KRTAP9-4: variants seen among roughly 807,000 people sequenced by gnomAD.
KRTAP9-4 encodes keratin associated protein 9-4.
Under a neutral mutation model 12.7 loss-of-function variants are expected in KRTAP9-4, and 8 were observed. The ratio of observed to expected loss-of-function variants is 0.63; its 90% CI spans 0.37 to 1.14. The LOEUF is 1.14. Among genes scored for constraint, KRTAP9-4 ranks in the 50% most tolerant of loss-of-function variants. The pLI, the probability that KRTAP9-4 is intolerant of heterozygous loss-of-function variation, is 0.01. For missense variants in KRTAP9-4, 188 were observed against 189.1 expected, an observed-to-expected ratio of 0.99 and a Z score of 0.03; for synonymous variants, 81 against 67.3, an observed-to-expected ratio of 1.20 and a Z score of -1.00.
chr17:41,249,887 G>A lies in KRTAP9-4; in HGVS notation c.167G>A (p.Cys56Tyr). ...SCCQPCCRPTCCQNTCCQPTC... is the reference protein window; with the variant it reads ...SCCQPCCRPTYCQNTCCQPTC... ...TGCCAGCCTTGCTGCCGCCCAACTT[G>A]CTGTCAAAACACCTGCTGCCAGCCC... The change falls in exon 1 of 1, where the codon TGC becomes TAC. Residue 56 changes from cysteine (C) to tyrosine (Y), a missense_variant. By Grantham distance (194) the Cys-to-Tyr change is radical (BLOSUM62 -2). Coordinates refer to ENST00000334109, the MANE Select transcript of KRTAP9-4 (RefSeq NM_033191.3). 1 of 1,543,204 alleles carries A rather than the reference G, an allele frequency of 6.5e-7. No homozygotes were observed. The highest frequency in any genetic ancestry group is 8.9e-7 in the Non-Finnish European group (1 of 1,123,790).
At position 41,249,987 on chromosome 17, in the gene KRTAP9-4, C is replaced by T. The variant is rs775841396; in HGVS notation, c.267C>T (p.Ser89=). Residue 89 remains serine, a synonymous_variant, in exon 1 of 1, where the codon AGC becomes AGT. Transcript: ENST00000334109. ...GCCAGCCCACCTGCTGTGGGTCCAG[C>T]TGTGACCAGAGCAGCTCCTGTGCAC... is the stretch of plus-strand genomic sequence containing the variant. The part of the protein sequence containing the change: ...PCCQPTCCGS[S]CDQSSSCAPV... 2.5e-6 allele frequency: 4 copies of T among 1,613,934 alleles called. No homozygotes were observed. In the African/African-American group the frequency reaches 5.3e-5, roughly 22 times the overall value.
In KRTAP9-4 at chr17:41,250,540, C is replaced by G; in HGVS notation, c.*355C>G. ...GCAATCATATTTTTGTTTTCAATAT[C>G]CTCCTCATGGTTCTTGTATCCTTCT... On this transcript the variant is annotated 3_prime_UTR_variant, in exon 1 of 1. Coordinates refer to ENST00000334109, the MANE Select transcript of KRTAP9-4 (RefSeq NM_033191.3). 1 of 516,032 alleles carries G rather than the reference C, an allele frequency of 1.9e-6. No individual in the cohort carries two copies. The highest frequency in any genetic ancestry group is 3.6e-6 in the Non-Finnish European group (1 of 281,382). 32.0% of individuals were successfully genotyped at this position (516,032 alleles called of 1,614,324 possible).
Position 41,250,183 on chromosome 17 carries a change from T to A in KRTAP9-4, c.463T>A (p.Ter155ArgextTer24), listed in dbSNP as rs757167314. The change falls in exon 1 of 1, where the codon TGA becomes AGA. Residue 155 changes from the stop codon to arginine (R), a stop_lost. Coordinates refer to ENST00000334109, the MANE Select transcript of KRTAP9-4 (RefSeq NM_033191.3). ...CAGCTGCTGTCAGCCTTTTTGCTGC[T>A]GATCAAGTCCCAAGAGAACCACCAT... ...VSSCCQPFCC* is the reference protein window; with the variant it reads ...VSSCCQPFCCR 1.9e-6 allele frequency: 3 copies of A among 1,614,258 alleles called. No homozygotes were observed. Among genetic ancestry groups the A allele is most frequent in the Non-Finnish European group, 2.5e-6 (3 of 1,180,020 alleles).
Position 41,250,469 on chromosome 17 carries a change from T to G in KRTAP9-4, c.*284T>G. 1.6e-6 allele frequency: 1 copy of G among 634,570 alleles called. No homozygotes were observed. Among genetic ancestry groups the G allele is most frequent in the East Asian group, 2.8e-5 (1 of 35,316 alleles). 39.3% of individuals were successfully genotyped at this position (634,570 alleles called of 1,614,324 possible). A position where few individuals can be genotyped will look rare whatever the true frequency, so the allele number is the denominator to read the frequency against. ...GACTCAAAAGTCAAGAGCTTCATTC[T>G]CTGCTTCTAAGGAATTTAGGTTTCT... is the stretch of plus-strand genomic sequence containing the variant. On this transcript the variant is annotated 3_prime_UTR_variant, in exon 1 of 1. Coordinates refer to ENST00000334109, the MANE Select transcript of KRTAP9-4 (RefSeq NM_033191.3).
In KRTAP9-4 at chr17:41,249,915, C is replaced by T. The variant is rs1390099964; in HGVS notation, c.195C>T (p.Thr65=). Reference sequence around the variant, plus strand: ...GTCAAAACACCTGCTGCCAGCCCACCTGTGTGACCAGCTGCTGCCAGCCTT... The same window carrying T: ...GTCAAAACACCTGCTGCCAGCCCACTTGTGTGACCAGCTGCTGCCAGCCTT... The part of the protein sequence containing the change: ...TCCQNTCCQP[T]CVTSCCQPSC... The change falls in exon 1 of 1, where the codon ACC becomes ACT. Residue 65 remains threonine, a synonymous_variant. Coordinates refer to ENST00000334109, the MANE Select transcript of KRTAP9-4 (RefSeq NM_033191.3). 6.2e-7 allele frequency: 1 copy of T among 1,613,342 alleles called. No homozygotes were observed. Among genetic ancestry groups the T allele is most frequent in the Non-Finnish European group, 8.5e-7 (1 of 1,179,584 alleles).
At position 41,250,166 on chromosome 17, in the gene KRTAP9-4, G is replaced by T. The variant is rs528716032; in HGVS notation, c.446G>T (p.Cys149Phe). 6.2e-7 allele frequency: 1 copy of T among 1,614,260 alleles called. No individual in the cohort carries two copies. The highest frequency in any genetic ancestry group is 8.5e-7 in the Non-Finnish European group (1 of 1,180,024). The change falls in exon 1 of 1, where the codon TGT becomes TTT. Residue 149 changes from cysteine (C) to phenylalanine (F), a missense_variant. Coordinates refer to ENST00000334109, the MANE Select transcript of KRTAP9-4 (RefSeq NM_033191.3). Reference protein sequence around the residue: ...CFQPTCVSSCCQPFCC With the variant: ...CFQPTCVSSCFQPFCC Reference sequence around the variant, plus strand: ...CAGCCCACCTGTGTGTCCAGCTGCTGTCAGCCTTTTTGCTGCTGATCAAGT... The same window carrying T: ...CAGCCCACCTGTGTGTCCAGCTGCTTTCAGCCTTTTTGCTGCTGATCAAGT...
Position 41,250,188 on chromosome 17 carries a change from A to C in KRTAP9-4, c.*3A>C. 1 of 1,614,206 alleles carries C rather than the reference A, an allele frequency of 6.2e-7. No individual in the cohort carries two copies. The highest frequency in any genetic ancestry group is 8.5e-7 in the Non-Finnish European group (1 of 1,179,988). ...GCTGTCAGCCTTTTTGCTGCTGATC[A>C]AGTCCCAAGAGAACCACCATCCTCA... On this transcript the variant is annotated 3_prime_UTR_variant, in exon 1 of 1. Coordinates refer to ENST00000334109, the MANE Select transcript of KRTAP9-4 (RefSeq NM_033191.3).
Position 41,250,182 on chromosome 17 carries a change from C to T in KRTAP9-4, c.462C>T (p.Cys154=). 6.2e-7 allele frequency: 1 copy of T among 1,614,242 alleles called. No homozygotes were observed. Among genetic ancestry groups the T allele is most frequent in the South Asian group, 1.1e-5 (1 of 91,088 alleles). ...CVSSCCQPFC[C] ...CCAGCTGCTGTCAGCCTTTTTGCTG[C>T]TGATCAAGTCCCAAGAGAACCACCA... Residue 154 remains cysteine (C), a synonymous_variant, in exon 1 of 1, where the codon TGC becomes TGT. Transcript: ENST00000334109.
chr17:41,250,263 T>C lies in KRTAP9-4; in HGVS notation c.*78T>C. 6.3e-7 allele frequency: 1 copy of C among 1,575,630 alleles called. No homozygotes were observed. Among genetic ancestry groups the C allele is most frequent in the Non-Finnish European group, 8.7e-7 (1 of 1,153,404 alleles). ...CTTATCTTTTGGGGGACTAATTTAA[T>C]TTGCTGCTGACAGCCACCATGCTCT... On this transcript the variant is annotated 3_prime_UTR_variant, in exon 1 of 1. Transcript: ENST00000334109.
At position 41,250,231 on chromosome 17, in the gene KRTAP9-4, C is replaced by T; in HGVS notation, c.*46C>T. 5 of 1,609,698 alleles carry T rather than the reference C, an allele frequency of 3.1e-6. No individual in the cohort carries two copies. The highest frequency in any genetic ancestry group is 4.3e-6 in the Non-Finnish European group (5 of 1,176,356). Reference sequence around the variant, plus strand: ...CATCCTCACACAACAACTTTCTGCTCAACTGACTTATCTTTTGGGGGACTA... The same window carrying T: ...CATCCTCACACAACAACTTTCTGCTTAACTGACTTATCTTTTGGGGGACTA... On this transcript the variant is annotated 3_prime_UTR_variant, in exon 1 of 1. Coordinates refer to ENST00000334109, the MANE Select transcript of KRTAP9-4 (RefSeq NM_033191.3).
Position 41,249,780 on chromosome 17 carries a change from G to A in KRTAP9-4, c.60G>A (p.Arg20=), listed in dbSNP as rs751690342. 7 of 1,612,524 alleles carry A rather than the reference G, an allele frequency of 4.3e-6. No individual in the cohort carries two copies. In the East Asian group the frequency reaches 1.6e-4, roughly 36 times the overall value. The change falls in exon 1 of 1, where the codon AGG becomes AGA. Residue 20 remains arginine (R), a synonymous_variant. Transcript: ENST00000334109. ...QPTCCRTTCC[R]TTCWKPTTVT... Reference sequence around the variant, plus strand: ...CATGCTGCAGGACCACCTGCTGCAGGACCACCTGCTGGAAGCCCACCACTG... The same window carrying A: ...CATGCTGCAGGACCACCTGCTGCAGAACCACCTGCTGGAAGCCCACCACTG...
rs200182486 is a variant in KRTAP9-4 at position 41,249,951 on chromosome 17, C to T, written c.231C>T (p.Ser77=). ...VTSCCQPSCC[S]TPCCQPTCCG... is the part of the protein sequence containing the mutation. ...GCTGCTGCCAGCCTTCCTGCTGCAG[C>T]ACACCCTGCTGCCAGCCCACCTGCT... The change falls in exon 1 of 1, where the codon AGC becomes AGT. Residue 77 remains serine (S), a synonymous_variant. Coordinates refer to ENST00000334109, the MANE Select transcript of KRTAP9-4 (RefSeq NM_033191.3). 294 of 1,613,356 alleles carry T rather than the reference C, an allele frequency of 1.8e-4. 1 individual carries two copies. In the East Asian group the frequency reaches 5.7e-3, roughly 31 times the overall value.
chr17:41,249,765 G>C lies in KRTAP9-4; in HGVS notation c.45G>C (p.Arg15Ser). 1 of 1,611,754 alleles carries C rather than the reference G, an allele frequency of 6.2e-7. No homozygotes were observed. The highest frequency in any genetic ancestry group is 8.5e-7 in the Non-Finnish European group (1 of 1,179,498). ...CSPCCQPTCC[R>S]TTCCRTTCWK... Reference sequence around the variant, plus strand: ...CTTGCTGTCAGCCTACATGCTGCAGGACCACCTGCTGCAGGACCACCTGCT... The same window carrying C: ...CTTGCTGTCAGCCTACATGCTGCAGCACCACCTGCTGCAGGACCACCTGCT... Residue 15 changes from arginine (R) to serine (S), a missense_variant, in exon 1 of 1, where the codon AGG becomes AGC. Transcript: ENST00000334109.
At position 41,250,017 on chromosome 17, in the gene KRTAP9-4, G is replaced by A; in HGVS notation, c.297G>A (p.Val99=). ...ACCAGAGCAGCTCCTGTGCACCTGT[G>A]TACTGCAGAAGAACCTGCTACTACC... ...SCDQSSSCAP[V]YCRRTCYYPT... is the part of the protein sequence containing the mutation. The change falls in exon 1 of 1, where the codon GTG becomes GTA. Residue 99 remains valine, a synonymous_variant. Coordinates refer to ENST00000334109, the MANE Select transcript of KRTAP9-4 (RefSeq NM_033191.3). 6.2e-7 allele frequency: 1 copy of A among 1,613,942 alleles called. No homozygotes were observed. Among genetic ancestry groups the A allele is most frequent in the Non-Finnish European group, 8.5e-7 (1 of 1,180,008 alleles).
rs777325549 is a variant in KRTAP9-4, at chr17:41,249,893, A to G, written c.173A>G (p.Gln58Arg). Residue 58 changes from glutamine (Q) to arginine (R), a missense_variant, in exon 1 of 1, where the codon CAA becomes CGA. Coordinates refer to ENST00000334109, the MANE Select transcript of KRTAP9-4 (RefSeq NM_033191.3). Reference sequence around the variant, plus strand: ...CCTTGCTGCCGCCCAACTTGCTGTCAAAACACCTGCTGCCAGCCCACCTGT... The same window carrying G: ...CCTTGCTGCCGCCCAACTTGCTGTCGAAACACCTGCTGCCAGCCCACCTGT... ...CQPCCRPTCC[Q>R]NTCCQPTCVT... is the part of the protein sequence containing the mutation. The G allele has an allele frequency of 9.3e-6, 15 of 1,612,598 alleles. No homozygotes were observed. Among genetic ancestry groups the G allele is most frequent in the Non-Finnish European group, 1.1e-5 (13 of 1,179,184 alleles).
Position 41,249,819 on chromosome 17 carries a change from C to T in KRTAP9-4, c.99C>T (p.Ser33=). The T allele has an allele frequency of 1.3e-6, 2 of 1,542,454 alleles. No homozygotes were observed. Among genetic ancestry groups the T allele is most frequent in the Non-Finnish European group, 1.8e-6 (2 of 1,122,444 alleles). Residue 33 remains serine (S), a synonymous_variant, in exon 1 of 1, where the codon AGC becomes AGT. Transcript: ENST00000334109. ...AGCCCACCACTGTGACCACCTGCAG[C>T]AGCACACCCTGCTGCCAGCCCTCCT... is the stretch of plus-strand genomic sequence containing the variant. ...CWKPTTVTTC[S]STPCCQPSCC... is the part of the protein sequence containing the mutation.
chr17:41,250,507 T>A lies in KRTAP9-4; in HGVS notation c.*322T>A. ...AATTTAGGTTTCTGCAACTGATCAATAATCTTTGCAATCATATTTTTGTTT... is the reference window on the plus strand; with the variant it reads ...AATTTAGGTTTCTGCAACTGATCAAAAATCTTTGCAATCATATTTTTGTTT... On this transcript the variant is annotated 3_prime_UTR_variant, in exon 1 of 1. Transcript: ENST00000334109. 1 of 575,530 alleles carries A rather than the reference T, an allele frequency of 1.7e-6. No individual in the cohort carries two copies. Among genetic ancestry groups the A allele is most frequent in the Non-Finnish European group, 3.1e-6 (1 of 319,540 alleles). The allele number at this position is 575,530 out of a possible 1,614,324, so 35.7% of individuals were successfully genotyped here.
chr17:41,250,034 G>T lies in KRTAP9-4; in HGVS notation c.314G>T (p.Cys105Phe). 6.2e-7 allele frequency: 1 copy of T among 1,613,750 alleles called. No homozygotes were observed. The highest frequency in any genetic ancestry group is 8.5e-7 in the Non-Finnish European group (1 of 1,179,990). Residue 105 changes from cysteine (C) to phenylalanine (F), a missense_variant, in exon 1 of 1, where the codon TGC (cysteine) becomes TTC (phenylalanine). Transcript: ENST00000334109. Reference protein sequence around the residue: ...SCAPVYCRRTCYYPTTVCLPG... With the variant: ...SCAPVYCRRTFYYPTTVCLPG... ...GCACCTGTGTACTGCAGAAGAACCT[G>T]CTACTACCCCACAACTGTCTGCCTG...
rs952229706 is a variant in KRTAP9-4, at chr17:41,250,470, C to G, written c.*285C>G. On this transcript the variant is annotated 3_prime_UTR_variant, in exon 1 of 1. Transcript: ENST00000334109. ...ACTCAAAAGTCAAGAGCTTCATTCTCTGCTTCTAAGGAATTTAGGTTTCTG... is the reference window on the plus strand; with the variant it reads ...ACTCAAAAGTCAAGAGCTTCATTCTGTGCTTCTAAGGAATTTAGGTTTCTG... 8 of 634,706 alleles carry G rather than the reference C, an allele frequency of 1.3e-5. No individual in the cohort carries two copies. The highest frequency in any genetic ancestry group is 1.9e-5 in the Non-Finnish European group (7 of 362,282). 39.3% of individuals were successfully genotyped at this position (634,706 alleles called of 1,614,324 possible).
Sources: allele counts gnomAD v4.1 joint callset, GRCh38; gene constraint gnomAD v4.1.1; transcripts MANE v1.5; gene names NCBI Gene and HGNC (gene_info 2026-07-23, HGNC 2026-07-21).